The following KIF26B variants were observed in gnomAD, a reference collection of about 807,000 sequenced individuals.
KIF26B encodes the protein kinesin-like protein KIF26B.
Under a neutral mutation model 151.2 loss-of-function variants are expected in KIF26B, and 63 were observed. The observed-to-expected ratio is 0.42, with a 90% CI of 0.34 to 0.51. The LOEUF is 0.51. Among genes scored for constraint, KIF26B ranks in the 20% least tolerant of loss-of-function variants. The probability of loss-of-function intolerance (pLI) is 0.07; values close to 1 mark genes in which losing one functional copy is unlikely to be tolerated. For missense variants in KIF26B, 2,813 were observed against 2,913.6 expected (o/e 0.97, Z 0.79); for synonymous variants, 1,357 against 1,262.1 (o/e 1.08, Z -1.59).
In KIF26B at chr1:245,382,163, G is replaced by A. The variant is rs545362011; in HGVS notation, c.999+14796G>A. On this transcript the variant is annotated intron_variant, in intron 3 of 14. Coordinates refer to ENST00000407071, the MANE Select transcript of KIF26B (RefSeq NM_018012.4). ...CCACCATACTGTTTTCCATAGTAGC[G>A]GCCCCATTTTACACTCCCACAAGAG... Among the ~76,000 whole-genome samples the A allele has an allele frequency of 3.3e-5, 5 of 152,160 alleles. No individual in the cohort carries two copies. The South Asian group carries it at 6.2e-4, about 19-fold the overall frequency.
chr1:245,493,391 C>T (rs1660448271), intron 4 of KIF26B, among the ~76,000 whole-genome samples: 1 of 152,234 alleles, frequency 6.6e-6, no homozygotes, highest in Admixed American at 6.5e-5. Context: ...GCAAGAATGC[C>T]TGCTCAATAT....
chr1:245,247,288 T>TAAAAA (rs769748932), intron 2 of KIF26B, among the ~76,000 whole-genome samples: 1 of 116,760 alleles, frequency 8.6e-6, no homozygotes, highest in Non-Finnish European at 1.8e-5. Context: ...TCATCTCTAC[T>TAAAAA]AAAAAAAAAA....
At position 245,205,651 on chromosome 1, in the gene KIF26B, G is replaced by A. The variant is rs180969173; in HGVS notation, c.465+48968G>A. 3.8e-4 allele frequency among the ~76,000 whole-genome samples: 57 copies of A among 151,906 alleles called. 1 individual carries two copies. The highest frequency in any genetic ancestry group is 6.6e-4 in the Non-Finnish European group (45 of 67,984). ...CATGATGTTCCTGCCACAGGATTTCGTGCTGGGCTGACAGAACAGAACAGT... is the reference window on the plus strand; with the variant it reads ...CATGATGTTCCTGCCACAGGATTTCATGCTGGGCTGACAGAACAGAACAGT... On this transcript the variant is annotated intron_variant, in intron 2 of 14. Transcript: ENST00000407071.
intron 2 of KIF26B, among the ~76,000 whole-genome samples, chr1:245,281,954 A>G (rs919882691): frequency 1.1e-4 from 16 of 151,850 alleles, no homozygotes; most frequent in African/African-American, 3.4e-4. Context: ...GTTCTGTTCC[A>G]TTGATCTATA....
chr1:245,500,331 C>T (rs779808757), intron 4 of KIF26B, among the ~76,000 whole-genome samples: 1 of 152,190 alleles, frequency 6.6e-6, no homozygotes, highest in Non-Finnish European at 1.5e-5. Context: ...GGTCATTTAA[C>T]CCACAAACTG....
chr1:245,200,834 A>G (rs1669285911), intron 2 of KIF26B, among the ~76,000 whole-genome samples: 1 of 152,220 alleles, frequency 6.6e-6, no homozygotes, highest in Admixed American at 6.5e-5. Context: ...AACGTTCTTA[A>G]AATCACAATG....
In KIF26B at chr1:245,433,477, A is replaced by AAAGAAG. The variant is rs549915125; in HGVS notation, c.1166+13751_1166+13756dup. Among the ~76,000 whole-genome samples the AAAGAAG allele has an allele frequency of 1.3e-3, 198 of 147,826 alleles. 1 individual carries two copies. The highest frequency in any genetic ancestry group is 3.8e-3 in the African/African-American group (149 of 39,714). Reference sequence around the variant, plus strand: ...GCAAGACTCTGTCTCAAAAAAAAAAAAAGAAGAAGAAGAAGAAGAAGAAGT... The same window carrying AAAGAAG: ...GCAAGACTCTGTCTCAAAAAAAAAAAAAGAAGAAGAAGAAGAAGAAGAAGAAGAAGT... On this transcript the variant is annotated intron_variant, in intron 4 of 14. Coordinates refer to ENST00000407071, the MANE Select transcript of KIF26B (RefSeq NM_018012.4).
chr1:245,345,546 T>C (rs2102997907), intron 2 of KIF26B, among the ~76,000 whole-genome samples: 1 of 152,088 alleles, frequency 6.6e-6, no homozygotes, highest in Admixed American at 6.5e-5. Context: ...GGTGTGGATC[T>C]GTGTCCCTGC....
At chr1:245,394,483 C>T (rs78924541) in intron 3 of KIF26B, among the ~76,000 whole-genome samples, 35,756 of 151,724 alleles carry the variant, frequency 0.24, 6,539 homozygotes, top group African/African-American at 0.51. Flanking sequence ...ATTAACCAGG[C>T]GTGGTGGCAC....
At chr1:245,676,312 G>A (rs572522018) in intron 10 of KIF26B, 9 of 152,308 alleles carry the variant, frequency 5.9e-5, no homozygotes, top group Non-Finnish European at 1.0e-4. Context: ...TTGTCACTGC[G>A]ATGATGTTCA....
intron 5 of KIF26B, among the ~76,000 whole-genome samples, chr1:245,579,856 A>C (rs945731661): frequency 2.0e-5 from 3 of 150,666 alleles, no homozygotes; most frequent in African/African-American, 7.4e-5. Flanking sequence ...CTCAAAGAAA[A>C]AAAAAAAAAA....
intron 5 of KIF26B, among the ~76,000 whole-genome samples, chr1:245,567,575 G>T (rs1380000642): frequency 6.6e-6 from 1 of 152,086 alleles, no homozygotes; most frequent in Non-Finnish European, 1.5e-5. Context: ...GCCTCCAAAG[G>T]CATGGGGGGA....
At chr1:245,264,328 C>G (rs1255488581) in intron 2 of KIF26B, among the ~76,000 whole-genome samples, 1 of 152,140 alleles carries the variant, frequency 6.6e-6, no homozygotes, top group Non-Finnish European at 1.5e-5. Flanking sequence ...GTACGTAAAA[C>G]ACTACTGCAT....
intron 6 of KIF26B, among the ~76,000 whole-genome samples, chr1:245,604,244 G>T (rs895851533): frequency 1.3e-5 from 2 of 152,174 alleles, no homozygotes; most frequent in Non-Finnish European, 1.5e-5. Context: ...ATCTATAGCA[G>T]AACCTGACGA....
chr1:245,236,461 A>T (rs1670112215), intron 2 of KIF26B, among the ~76,000 whole-genome samples: 1 of 152,180 alleles, frequency 6.6e-6, no homozygotes, highest in Non-Finnish European at 1.5e-5. Context: ...AGTTCCTGGG[A>T]CGTAATTGAC....
At chr1:245,253,169 C>T (rs1573734779) in intron 2 of KIF26B, among the ~76,000 whole-genome samples, 1 of 151,706 alleles carries the variant, frequency 6.6e-6, no homozygotes, top group Non-Finnish European at 1.5e-5. Flanking sequence ...ACCACCAAGC[C>T]CAGCTAATTT....
intron 9 of KIF26B, 105 bp downstream of exon 9, chr1:245,612,081 TGTGTGTGTGTGTGTGTGTGTGTGTGA>T: frequency 1.4e-6 from 1 of 692,380 alleles, no homozygotes; most frequent in Non-Finnish European, 2.4e-6. Flanking sequence ...TGTGTGTGTG[TGTGTGTGTGTGTGTGTGTGTGTGTGA>T]GAGAGAGAGA....
At chr1:245,594,930 A>G (rs2043324779) in intron 5 of KIF26B, among the ~76,000 whole-genome samples, 1 of 151,932 alleles carries the variant, frequency 6.6e-6, no homozygotes, top group South Asian at 2.1e-4. Context: ...CTTTGTAGCA[A>G]TTGTGAATGG....
intron 10 of KIF26B, among the ~76,000 whole-genome samples, chr1:245,677,090 A>C (rs2044366635): frequency 6.6e-6 from 1 of 152,206 alleles, no homozygotes; most frequent in Non-Finnish European, 1.5e-5. Flanking sequence ...GATTAACTTC[A>C]TGTACTCTTA....
Sources: gnomAD v4.1 joint callset for allele counts (sites outside exome capture counted in the v4.1 genomes callset) on GRCh38, gnomAD v4.1.1 for gene constraint, MANE v1.5 for transcripts, NCBI Gene and HGNC (gene_info 2026-07-23, HGNC 2026-07-21) for gene names.